MARCHF1: variants seen among roughly 807,000 people sequenced by gnomAD.
The protein encoded by MARCHF1 is membrane associated ring-CH-type finger 1, also known as E3 ubiquitin-protein ligase MARCHF1.
A neutral mutation model predicts 54.2 loss-of-function variants in MARCHF1; 40 were observed. That is an observed-to-expected ratio of 0.74 (90% CI 0.57 to 0.96). MARCHF1 has a LOEUF of 0.96. Ranked by LOEUF, MARCHF1 falls within the 40% of genes least tolerant of loss-of-function variation. MARCHF1 has a pLI of 0.00. For missense variants in MARCHF1, 586 were observed against 656.5 expected, an observed-to-expected ratio of 0.89 and a Z score of 1.17; for synonymous variants, 236 against 236.3, an observed-to-expected ratio of 1.00 and a Z score of 0.01.
intron 3 of MARCHF1, among the ~76,000 whole-genome samples, chr4:163,944,042 C>T (rs1751972670): frequency 6.6e-6 from 1 of 151,918 alleles, no homozygotes; most frequent in Non-Finnish European, 1.5e-5. Flanking sequence ...ATCTCGCTCA[C>T]TGCAAGCTCC....
rs940776279 is a variant in MARCHF1, at chr4:164,040,016, T to C, written c.-247-51307A>G. On this transcript the variant is annotated intron_variant, in intron 2 of 9. Coordinates refer to ENST00000514618, the MANE Select transcript of MARCHF1 (RefSeq NM_001394959.1). The stretch of plus-strand genomic sequence containing the variant: ...TATATGCTTGTATATATAATATATA[T>C]ACAAGTATAATTTATATATACAAGC... Among the ~76,000 whole-genome samples the C allele has an allele frequency of 7.4e-4, 109 of 146,966 alleles. 1 individual carries two copies. In the East Asian group the frequency reaches 8.8e-3, roughly 12 times the overall value.
At chr4:163,895,156 C>T (rs369075646) in intron 3 of MARCHF1, among the ~76,000 whole-genome samples, 37 of 152,070 alleles carry the variant, frequency 2.4e-4, no homozygotes, top group East Asian at 3.9e-4. Context: ...CTATATAAGA[C>T]GTATGTGTGT....
chr4:164,175,075 T>A (rs994391844), intron 1 of MARCHF1, among the ~76,000 whole-genome samples: 1 of 152,184 alleles, frequency 6.6e-6, no homozygotes, highest in Non-Finnish European at 1.5e-5. Flanking sequence ...CTTCTTACTA[T>A]CATTGTCACC....
intron 4 of MARCHF1, among the ~76,000 whole-genome samples, chr4:163,853,708 G>A (rs756585413): frequency 1.5e-4 from 23 of 152,012 alleles, no homozygotes; most frequent in Non-Finnish European, 2.4e-4. Context: ...GTTTCATTAC[G>A]CAGTATAGAA....
At chr4:163,780,998 T>G (rs1448379081) in intron 4 of MARCHF1, among the ~76,000 whole-genome samples, 11 of 152,102 alleles carry the variant, frequency 7.2e-5, no homozygotes. Context: ...GGGATCAACA[T>G]GCTGATAGAA....
intron 4 of MARCHF1, among the ~76,000 whole-genome samples, chr4:163,826,674 AATG>A (rs1434516045): frequency 6.6e-6 from 1 of 152,088 alleles, no homozygotes; most frequent in Non-Finnish European, 1.5e-5. Context: ...ATATTAATTA[AATG>A]ATTATAAAAT....
At chr4:163,780,834 G>A (rs1435702124) in intron 4 of MARCHF1, among the ~76,000 whole-genome samples, 1 of 152,174 alleles carries the variant, frequency 6.6e-6, no homozygotes, top group Non-Finnish European at 1.5e-5. Flanking sequence ...CCACAGCAGT[G>A]TCCATATGAC....
intron 1 of MARCHF1, among the ~76,000 whole-genome samples, chr4:164,171,589 C>T (rs1009876498): frequency 4.7e-5 from 6 of 126,322 alleles, no homozygotes; most frequent in African/African-American, 1.3e-4. Context: ...AGTAGGAATA[C>T]ATTATTTTTT....
chr4:163,742,045 C>G (rs1346711518), intron 4 of MARCHF1, among the ~76,000 whole-genome samples: 2 of 152,116 alleles, frequency 1.3e-5, no homozygotes, highest in African/African-American at 4.8e-5. Context: ...TAAAGTAGTA[C>G]AGTAGCATAT....
In MARCHF1 at chr4:164,192,750, T is replaced by G. The variant is rs79957125; in HGVS notation, c.-322-81088A>C. 4.4e-3 allele frequency among the ~76,000 whole-genome samples: 665 copies of G among 152,254 alleles called. 13 individuals are homozygous for G. The highest frequency in any genetic ancestry group is 0.034 in the Admixed American group (521 of 15,292). ...AAAAGTATGAAACATTTATAAAATTTTTAGAGGTGCATTCAAGTTAGGCAT... is the reference window on the plus strand; with the variant it reads ...AAAAGTATGAAACATTTATAAAATTGTTAGAGGTGCATTCAAGTTAGGCAT... On this transcript the variant is annotated intron_variant, in intron 1 of 9. Transcript: ENST00000514618.
At chr4:164,036,169 T>G (rs1331104796) in intron 2 of MARCHF1, among the ~76,000 whole-genome samples, 1 of 151,434 alleles carries the variant, frequency 6.6e-6, no homozygotes, top group Non-Finnish European at 1.5e-5. Context: ...AAAAAGGAGT[T>G]GCTAGAAATG....
intron 2 of MARCHF1, among the ~76,000 whole-genome samples, chr4:164,100,316 C>T (rs1211428958): frequency 6.6e-6 from 1 of 152,198 alleles, no homozygotes. Flanking sequence ...AGAGTCAACT[C>T]AAGGTTTTGC....
chr4:164,016,645 T>C (rs1489617772), intron 2 of MARCHF1, among the ~76,000 whole-genome samples: 1 of 152,058 alleles, frequency 6.6e-6, no homozygotes, highest in Non-Finnish European at 1.5e-5. Context: ...TGATGGTAAC[T>C]AGAGGCTGGG....
At chr4:163,568,869 A>G (rs1352250885) in intron 8 of MARCHF1, among the ~76,000 whole-genome samples, 1 of 152,074 alleles carries the variant, frequency 6.6e-6, no homozygotes, top group Non-Finnish European at 1.5e-5. Context: ...ATGAACTGCA[A>G]ACAGAAGCCA....
chr4:163,922,022 T>C (rs1751441950), intron 3 of MARCHF1, among the ~76,000 whole-genome samples: 1 of 152,104 alleles, frequency 6.6e-6, no homozygotes, highest in African/African-American at 2.4e-5. Context: ...ATACACACCA[T>C]TAAATACTAT....
At chr4:164,251,583 G>A (rs905375438) in intron 1 of MARCHF1, among the ~76,000 whole-genome samples, 7 of 152,110 alleles carry the variant, frequency 4.6e-5, no homozygotes, top group African/African-American at 1.7e-4. Context: ...ATGCGGTTTT[G>A]CACTCTAGGT....
chr4:164,309,100 G>A (rs1734774924), intron 1 of MARCHF1, among the ~76,000 whole-genome samples: 1 of 151,862 alleles, frequency 6.6e-6, no homozygotes, highest in Non-Finnish European at 1.5e-5. Context: ...TGAGCTGCAA[G>A]AATAACTAAA....
chr4:163,842,527 T>C (rs1329338758), intron 4 of MARCHF1, among the ~76,000 whole-genome samples: 2 of 152,094 alleles, frequency 1.3e-5, no homozygotes, highest in East Asian at 1.9e-4. Context: ...TCTTAGAGCA[T>C]GGATCCTAAA....
chr4:163,962,387 G>T (rs1371218418), intron 3 of MARCHF1, among the ~76,000 whole-genome samples: 1 of 151,802 alleles, frequency 6.6e-6, no homozygotes, highest in South Asian at 2.1e-4. Context: ...ATTGGGGGTT[G>T]GGGCCAAAGG....
Sources: gnomAD v4.1 joint callset for allele counts (sites outside exome capture counted in the v4.1 genomes callset) on GRCh38, gnomAD v4.1.1 for gene constraint, MANE v1.5 for transcripts, NCBI Gene and HGNC (gene_info 2026-07-23, HGNC 2026-07-21) for gene names.